The following CNTN5 variants were observed in gnomAD, a reference collection of about 807,000 sequenced individuals.
The protein encoded by CNTN5 is contactin 5.
A neutral mutation model predicts 129.1 loss-of-function variants in CNTN5; 77 were observed. The ratio of observed to expected loss-of-function variants is 0.60; its 90% CI spans 0.50 to 0.72. CNTN5 has a LOEUF of 0.72. CNTN5 is among the 30% of genes least tolerant of loss of function. The pLI, the probability that CNTN5 is intolerant of heterozygous loss-of-function variation, is 0.00. For missense variants in CNTN5, 1,478 were observed against 1,328.8 expected, an observed-to-expected ratio of 1.11 and a Z score of -1.75; for synonymous variants, 509 against 465.6, an observed-to-expected ratio of 1.09 and a Z score of -1.20.
At chr11:99,524,081 T>C (rs1947393380) in intron 2 of CNTN5, among the ~76,000 whole-genome samples, 1 of 151,992 alleles carries the variant, frequency 6.6e-6, no homozygotes, top group African/African-American at 2.4e-5. Flanking sequence ...CCTATAAAAG[T>C]AAAAAAATGA....
chr11:100,353,065 T>C (rs1314733601), intron 24 of CNTN5, among the ~76,000 whole-genome samples: 1 of 151,720 alleles, frequency 6.6e-6, no homozygotes, highest in African/African-American at 2.4e-5. Flanking sequence ...TCAGATTCTA[T>C]AGTATTATCT....
chr11:100,009,458 A>C (rs1254047703), intron 9 of CNTN5, among the ~76,000 whole-genome samples: 2 of 152,140 alleles, frequency 1.3e-5, no homozygotes, highest in African/African-American at 2.4e-5. Context: ...GTGTAAAAAA[A>C]AAAATGGAGG....
In CNTN5 at chr11:100,224,974, A is replaced by T. The variant is rs1949341531; in HGVS notation, c.2005+162A>T. 8.2e-6 allele frequency: 5 copies of T among 613,014 alleles called. No individual in the cohort carries two copies. The Admixed American group carries it at 1.7e-4, about 20-fold the overall frequency. The allele number at this position is 613,014 out of a possible 1,614,324, so 38.0% of individuals were successfully genotyped here. ...AACCTTTTGCCTTTGAAAAAATTAC[A>T]TGGAAAACTCCTCCTTAGTAACAGA... On this transcript the variant is annotated intron_variant, in intron 16 of 24. Coordinates refer to ENST00000524871, the MANE Select transcript of CNTN5 (RefSeq NM_014361.4).
rs535546785 is a variant in CNTN5, at chr11:99,347,275, T to C, written c.-71+21791T>C. On this transcript the variant is annotated intron_variant, in intron 2 of 24. Coordinates refer to ENST00000524871, the MANE Select transcript of CNTN5 (RefSeq NM_014361.4). The stretch of plus-strand genomic sequence containing the variant: ...TCTAGGAAAATCTCTGCCTTTTGTG[T>C]TTCTATACTAGCACAAAAAGATTAT... 3.9e-5 allele frequency among the ~76,000 whole-genome samples: 6 copies of C among 152,254 alleles called. No homozygotes were observed. In the South Asian group the frequency reaches 1.2e-3, roughly 32 times the overall value.
intron 3 of CNTN5, among the ~76,000 whole-genome samples, chr11:99,778,055 T>A (rs1398016014): frequency 6.6e-6 from 1 of 151,924 alleles, no homozygotes; most frequent in African/African-American, 2.4e-5. Flanking sequence ...CTCCATTTTT[T>A]AATTCAGATT....
chr11:100,201,760 G>C (rs892507488), intron 15 of CNTN5, among the ~76,000 whole-genome samples: 1 of 151,870 alleles, frequency 6.6e-6, no homozygotes. Flanking sequence ...GTGGTGTGTT[G>C]CCCAGGTTCT....
At chr11:99,273,269 C>CA (rs1863261493) in intron 1 of CNTN5, among the ~76,000 whole-genome samples, 1 of 151,796 alleles carries the variant, frequency 6.6e-6, no homozygotes, top group South Asian at 2.1e-4. Flanking sequence ...CATTCATGTA[C>CA]ATTAACGTCA....
chr11:100,137,742 G>A (rs907942879), intron 13 of CNTN5, among the ~76,000 whole-genome samples: 1 of 151,974 alleles, frequency 6.6e-6, no homozygotes, highest in African/African-American at 2.4e-5. Flanking sequence ...AGGCCGGTAT[G>A]GAAAATGCAA....
intron 3 of CNTN5, among the ~76,000 whole-genome samples, chr11:99,581,276 T>C (rs1423733656): frequency 2.2e-5 from 3 of 137,332 alleles, no homozygotes; most frequent in Non-Finnish European, 4.7e-5. Context: ...TTGGAGTAGG[T>C]GTGGTGTGGT....
At chr11:99,370,950 C>T (rs1035404070) in intron 2 of CNTN5, among the ~76,000 whole-genome samples, 10 of 152,154 alleles carry the variant, frequency 6.6e-5, no homozygotes, top group Non-Finnish European at 7.4e-5. Flanking sequence ...CCAGGGTATT[C>T]GTGGCACTTG....
At chr11:99,805,075 A>G (rs1946227986) in intron 3 of CNTN5, among the ~76,000 whole-genome samples, 2 of 152,114 alleles carry the variant, frequency 1.3e-5, no homozygotes, top group African/African-American at 2.4e-5. Flanking sequence ...AATTTCGACA[A>G]AGAGAGTCTT....
intron 1 of CNTN5, among the ~76,000 whole-genome samples, chr11:99,280,885 ATAGT>A (rs1184903609): frequency 1.3e-5 from 2 of 151,822 alleles, no homozygotes; most frequent in East Asian, 1.9e-4. Context: ...TTAATAGTTA[ATAGT>A]TAATTATATT....
intron 1 of CNTN5, among the ~76,000 whole-genome samples, chr11:99,263,196 T>G (rs908694490): frequency 2.6e-5 from 4 of 152,106 alleles, no homozygotes; most frequent in Admixed American, 6.6e-5. Flanking sequence ...CTCCTTTTCA[T>G]GTAAGGTGTT....
At chr11:99,033,577 G>T (rs1288552480) in intron 1 of CNTN5, among the ~76,000 whole-genome samples, 1 of 151,804 alleles carries the variant, frequency 6.6e-6, no homozygotes, top group Non-Finnish European at 1.5e-5. Context: ...TTTGTCTGTT[G>T]TTGGTGTATA....
chr11:99,789,266 C>G (rs890567209), intron 3 of CNTN5, among the ~76,000 whole-genome samples: 1 of 151,854 alleles, frequency 6.6e-6, no homozygotes, highest in East Asian at 1.9e-4. Flanking sequence ...TACATATTTT[C>G]TCAATATTCA....
rs997088355 is a variant in CNTN5, at chr11:99,161,026, T to G, written c.-210+139756T>G. ...AAAAACTTGTGAATTTGGGGAAAGT[T>G]TGTGACAGAAACTGAGTGTAGAAAA... On this transcript the variant is annotated intron_variant, in intron 1 of 24. Coordinates refer to ENST00000524871, the MANE Select transcript of CNTN5 (RefSeq NM_014361.4). 1.3e-5 allele frequency among the ~76,000 whole-genome samples: 2 copies of G among 152,220 alleles called. 1 individual carries two copies. The highest frequency in any genetic ancestry group is 6.8e-3 in the Middle Eastern group (2 of 294).
intron 4 of CNTN5, among the ~76,000 whole-genome samples, chr11:99,822,307 G>T (rs17134501): frequency 2.0e-5 from 3 of 152,062 alleles, no homozygotes; most frequent in Non-Finnish European, 4.4e-5. Context: ...GAAATAAAAC[G>T]CATCTTCACC....
intron 1 of CNTN5, among the ~76,000 whole-genome samples, chr11:99,187,219 A>C (rs942452197): frequency 3.3e-5 from 5 of 151,794 alleles, no homozygotes; most frequent in Non-Finnish European, 7.4e-5. Context: ...GAGAGAGAAA[A>C]TTACAATCAA....
At chr11:99,309,747 G>C (rs909831375) in intron 1 of CNTN5, among the ~76,000 whole-genome samples, 1 of 152,056 alleles carries the variant, frequency 6.6e-6, no homozygotes. Flanking sequence ...TCCCTACGAT[G>C]GTTGCCCAAT....
Sources: gnomAD v4.1 joint callset for allele counts (sites outside exome capture counted in the v4.1 genomes callset) on GRCh38, gnomAD v4.1.1 for gene constraint, MANE v1.5 for transcripts, NCBI Gene and HGNC (gene_info 2026-07-23, HGNC 2026-07-21) for gene names.